The following NSD2 variants were observed in gnomAD, a reference collection of about 807,000 sequenced individuals.
The protein encoded by NSD2 is histone-lysine N-methyltransferase NSD2.
Under a neutral mutation model 139.0 loss-of-function variants are expected in NSD2, and 12 were observed. The observed-to-expected ratio is 0.09, with a 90% CI of 0.06 to 0.14. NSD2 has a LOEUF of 0.14. NSD2 is among the 10% of genes least tolerant of loss of function. The pLI, the probability that NSD2 is intolerant of heterozygous loss-of-function variation, is 1.00. For synonymous variants in NSD2, 669 were observed against 648.7 expected, an observed-to-expected ratio of 1.03 and a Z score of -0.48; for missense variants, 1,155 against 1,745.0, an observed-to-expected ratio of 0.66 and a Z score of 6.02.
At chr4:1,898,312 C>T (rs1456110312) in intron 1 of NSD2, among the ~76,000 whole-genome samples, 1 of 152,176 alleles carries the variant, frequency 6.6e-6, no homozygotes, top group African/African-American at 2.4e-5. Context: ...GTCTTGAATT[C>T]CTGGACTTGA....
In NSD2 at chr4:1,979,057, C is replaced by T. The variant is rs538719785; in HGVS notation, c.*148C>T. On this transcript the variant is annotated 3_prime_UTR_variant, in exon 22 of 22. Transcript: ENST00000508803. Reference sequence around the variant, plus strand: ...GGCCTCCTCGGGAGGGAGCGCCTCCCCACCACTGAGCCATCCTCAGCAGCG... The same window carrying T: ...GGCCTCCTCGGGAGGGAGCGCCTCCTCACCACTGAGCCATCCTCAGCAGCG... 151 of 1,035,824 alleles carry T rather than the reference C, an allele frequency of 1.5e-4. No individual in the cohort carries two copies. Among genetic ancestry groups the T allele is most frequent in the Admixed American group, 1.4e-3 (45 of 31,044 alleles). 64.2% of individuals were successfully genotyped at this position (1,035,824 alleles called of 1,614,324 possible).
chr4:1,930,816 GTA>G (rs1721544410), intron 6 of NSD2, 46 bp downstream of exon 6: 2 of 1,575,736 alleles, frequency 1.3e-6, no homozygotes, highest in Non-Finnish European at 8.6e-7. Flanking sequence ...GTTGATGTGT[GTA>G]GTGTAGCAAG....
Position 1,969,487 on chromosome 4 carries a change from CCCAGCCTGGAGTTTGAGA to C in NSD2, c.3373-5366_3373-5349del, listed in dbSNP as rs1306619193. Among the ~76,000 whole-genome samples the C allele has an allele frequency of 3.9e-5, 6 of 152,140 alleles. No homozygotes were observed. In the South Asian group the frequency reaches 1.0e-3, roughly 26 times the overall value. ...GGCCGAGGCAGGAGAACCGCTTGAG[CCCAGCCTGGAGTTTGAGA>C]CCAGCCTGGGCAACACAGCAAGGCC... On this transcript the variant is annotated intron_variant, in intron 18 of 21. Coordinates refer to ENST00000508803, the MANE Select transcript of NSD2 (RefSeq NM_001042424.3).
In NSD2 at chr4:1,974,578, C is replaced by G. The variant is rs779405995; in HGVS notation, c.3373-285C>G. 4.2e-5 allele frequency: 23 copies of G among 543,942 alleles called. No individual in the cohort carries two copies. The highest frequency in any genetic ancestry group is 7.3e-5 in the Non-Finnish European group (21 of 289,358). The allele number at this position is 543,942 out of a possible 1,614,324, so 33.7% of individuals were successfully genotyped here. A position where few individuals can be genotyped will look rare whatever the true frequency, so the allele number is the denominator to read the frequency against. On this transcript the variant is annotated intron_variant, in intron 18 of 21. Coordinates refer to ENST00000508803, the MANE Select transcript of NSD2 (RefSeq NM_001042424.3). The surrounding 1 kb of genome is among the most constrained non-coding windows in gnomAD (Gnocchi z 4.0). ...AGGCTGTTGCTGCTGACCTTAGCTCCCTTGTTTGCCATCATGGAGGATGCT... is the reference window on the plus strand; with the variant it reads ...AGGCTGTTGCTGCTGACCTTAGCTCGCTTGTTTGCCATCATGGAGGATGCT...
At chr4:1,941,632 A>G in intron 9 of NSD2, 4 of 1,038,128 alleles carry the variant, frequency 3.9e-6, no homozygotes, top group Non-Finnish European at 3.5e-6. Flanking sequence ...AAATTAATAC[A>G]CCTTCCTACA....
intron 9 of NSD2, chr4:1,943,783 T>A: frequency 1.9e-6 from 2 of 1,061,220 alleles, no homozygotes; most frequent in Non-Finnish European, 2.3e-6. Context: ...TAAAAATGGC[T>A]CTGGTTCAAT....
chr4:1,902,715 C>T (rs1418722073), intron 2 of NSD2, among the ~76,000 whole-genome samples: 2 of 152,124 alleles, frequency 1.3e-5, no homozygotes, highest in Non-Finnish European at 2.9e-5. Context: ...CTTTCTCCTC[C>T]AACTGAAAAA....
In NSD2 at chr4:1,941,899, A is replaced by G. The variant is rs914622958; in HGVS notation, c.1881+2121A>G. On this transcript the variant is annotated intron_variant, in intron 9 of 21. Coordinates refer to ENST00000508803, the MANE Select transcript of NSD2 (RefSeq NM_001042424.3). ...CTGAATGCCTGTTAGCATATGAGGC[A>G]AAGTGTAGTGTTATAAAAAACAGCC... 2.8e-6 allele frequency: 3 copies of G among 1,065,814 alleles called. No individual in the cohort carries two copies. In the African/African-American group the frequency reaches 4.9e-5, roughly 17 times the overall value. The allele number at this position is 1,065,814 out of a possible 1,614,324, so 66.0% of individuals were successfully genotyped here.
chr4:1,922,977 G>A (rs939887944), intron 5 of NSD2, among the ~76,000 whole-genome samples: 4 of 152,000 alleles, frequency 2.6e-5, no homozygotes, highest in African/African-American at 7.3e-5. Context: ...GGCCCAAGAC[G>A]GGGCCCAGAA....
chr4:1,884,650 C>T (rs1714946565), intron 1 of NSD2, among the ~76,000 whole-genome samples: 1 of 152,070 alleles, frequency 6.6e-6, no homozygotes. Context: ...CCTTGGCCTC[C>T]CAAAGTGCTA....
intron 3 of NSD2, among the ~76,000 whole-genome samples, chr4:1,909,323 A>G (rs572196207): frequency 6.6e-6 from 1 of 152,084 alleles, no homozygotes; most frequent in South Asian, 2.1e-4. Context: ...TGAGTACAGA[A>G]TAGTATGTAG....
intron 9 of NSD2, chr4:1,945,864 A>C (rs1723577556): frequency 9.4e-7 from 1 of 1,061,086 alleles, no homozygotes; most frequent in Non-Finnish European, 1.1e-6. Flanking sequence ...TAAGGTCGTT[A>C]TGACTTTGGC....
chr4:1,955,280 C>T lies in NSD2; in HGVS notation c.2458C>T (p.Arg820Trp), dbSNP rs745957331. Residue 820 changes from arginine to tryptophan, a missense_variant, in exon 13 of 22, where the codon CGG (arginine) becomes TGG (tryptophan). Coordinates refer to ENST00000508803, the MANE Select transcript of NSD2 (RefSeq NM_001042424.3). The surrounding 1 kb of genome is among the most constrained non-coding windows in gnomAD (Gnocchi z 4.7). ...SIICTAHFTA[R>W]KGKRHHAHVN... The stretch of plus-strand genomic sequence containing the variant: ...CATCTGCACTGCCCACTTCACTGCT[C>T]GGAAGGGGAAGCGACACCACGCCCA... 2.4e-5 allele frequency: 39 copies of T among 1,613,952 alleles called. No individual in the cohort carries two copies. The East Asian group carries it at 5.6e-4, about 23-fold the overall frequency.
chr4:1,939,930 T>TTCATGAAA, intron 9 of NSD2, 152 bp downstream of exon 9: 1 of 1,500,744 alleles, frequency 6.7e-7, no homozygotes, highest in South Asian at 1.3e-5. Context: ...CTAACTCAGA[T>TTCATGAAA]TCATGAAATG....
intron 21 of NSD2, 130 bp from the exon 22 acceptor site, chr4:1,978,508 T>C: frequency 7.5e-7 from 1 of 1,334,176 alleles, no homozygotes; most frequent in Non-Finnish European, 1.0e-6. Context: ...TGTCTGCCCG[T>C]CCTGTTCGCT....
chr4:1,979,098 CTG>C lies in NSD2; in HGVS notation c.*190_*191del. On this transcript the variant is annotated 3_prime_UTR_variant, in exon 22 of 22. Coordinates refer to ENST00000508803, the MANE Select transcript of NSD2 (RefSeq NM_001042424.3). Reference sequence around the variant, plus strand: ...CTCAGCAGCGTCCGCTGCGTCTGCACTGATGACCGTCTGAGCCCAGCTCAGCG... The same window carrying C: ...CTCAGCAGCGTCCGCTGCGTCTGCACATGACCGTCTGAGCCCAGCTCAGCG... 1 of 607,722 alleles carries C rather than the reference CTG, an allele frequency of 1.6e-6. No homozygotes were observed. The highest frequency in any genetic ancestry group is 2.5e-6 in the Non-Finnish European group (1 of 392,320). The allele number at this position is 607,722 out of a possible 1,614,324, so 37.6% of individuals were successfully genotyped here.
intron 9 of NSD2, chr4:1,940,480 A>G (rs1722975066): frequency 9.4e-7 from 1 of 1,064,154 alleles, no homozygotes; most frequent in African/African-American, 1.6e-5. Context: ...CAAAAACAAC[A>G]AATAGCCACA....
rs1724665655 is a variant in NSD2 at position 1,955,065 on chromosome 4, T to C, written c.2339-96T>C. On this transcript the variant is annotated intron_variant, in intron 12 of 21. Coordinates refer to ENST00000508803, the MANE Select transcript of NSD2 (RefSeq NM_001042424.3). The surrounding 1 kb of genome is among the most constrained non-coding windows in gnomAD (Gnocchi z 4.7). ...CTCCATTTCATTTTAGCATTAACTT[T>C]TCAAATTCATGGAGGCTGAGTAATT... is the stretch of plus-strand genomic sequence containing the variant. The C allele has an allele frequency of 1.5e-6, 2 of 1,325,818 alleles. No individual in the cohort carries two copies. The highest frequency in any genetic ancestry group is 1.5e-5 in the African/African-American group (1 of 68,388). The allele number at this position is 1,325,818 out of a possible 1,614,324, so 82.1% of individuals were successfully genotyped here.
Position 1,976,456 on chromosome 4 carries a change from G to C in NSD2, c.3622-19G>C. On this transcript the variant is annotated intron_variant, in intron 20 of 21. Transcript: ENST00000508803. The surrounding 1 kb of genome is among the most constrained non-coding windows in gnomAD (Gnocchi z 5.3). ...TGTGTAATTCTTTCCGGTGATCTGT[G>C]CTTAATTCTTGACTCTAGACCTCGA... is the stretch of plus-strand genomic sequence containing the variant. The C allele has an allele frequency of 1.2e-6, 2 of 1,610,094 alleles. No individual in the cohort carries two copies.
Sources: allele counts gnomAD v4.1 joint callset (sites outside exome capture counted in the v4.1 genomes callset), GRCh38; gene constraint gnomAD v4.1.1; non-coding constraint Gnocchi (gnomAD v3.1); transcripts MANE v1.5; gene names NCBI Gene and HGNC (gene_info 2026-07-23, HGNC 2026-07-21).